The following HSDL2 variants were observed in gnomAD, a reference collection of about 807,000 sequenced individuals.
The protein encoded by HSDL2 is hydroxysteroid dehydrogenase-like protein 2.
A neutral mutation model predicts 46.3 loss-of-function variants in HSDL2; 27 were observed. The ratio of observed to expected loss-of-function variants is 0.58; its 90% CI spans 0.43 to 0.80. The LOEUF is 0.80. Ranked by LOEUF, HSDL2 falls within the 30% of genes least tolerant of loss-of-function variation. The pLI, the probability that HSDL2 is intolerant of heterozygous loss-of-function variation, is 0.00. For synonymous variants in HSDL2, 153 were observed against 163.6 expected, an observed-to-expected ratio of 0.94 and a Z score of 0.50; for missense variants, 451 against 502.7, an observed-to-expected ratio of 0.90 and a Z score of 0.98.
chr9:112,383,343 G>C (rs1831141865), intron 1 of HSDL2, among the ~76,000 whole-genome samples: 1 of 152,092 alleles, frequency 6.6e-6, no homozygotes, highest in African/African-American at 2.4e-5. Flanking sequence ...AACATGCTGG[G>C]ATTACAGGTG....
intron 7 of HSDL2, among the ~76,000 whole-genome samples, chr9:112,439,511 T>C (rs994057120): frequency 6.6e-6 from 1 of 152,148 alleles, no homozygotes; most frequent in Non-Finnish European, 1.5e-5. Flanking sequence ...ATAATGATAA[T>C]AATGGATTTT....
intron 3 of HSDL2, among the ~76,000 whole-genome samples, chr9:112,408,075 A>G (rs1937629102): frequency 6.6e-6 from 1 of 152,154 alleles, no homozygotes; most frequent in Non-Finnish European, 1.5e-5. Context: ...ATCCACTTTG[A>G]TGATCTGCCT....
intron 8 of HSDL2, among the ~76,000 whole-genome samples, chr9:112,452,815 A>C (rs1832919485): frequency 6.6e-6 from 1 of 152,176 alleles, no homozygotes; most frequent in Non-Finnish European, 1.5e-5. Context: ...AGTCCTATGA[A>C]CTGCTGTCTT....
At chr9:112,447,951 A>G (rs1213574053) in intron 8 of HSDL2, among the ~76,000 whole-genome samples, 1 of 152,196 alleles carries the variant, frequency 6.6e-6, no homozygotes, top group Non-Finnish European at 1.5e-5. Flanking sequence ...ATAGTTTTTG[A>G]GAGAGCGTGA....
intron 6 of HSDL2, among the ~76,000 whole-genome samples, chr9:112,434,630 G>A (rs1383980444): frequency 1.3e-5 from 2 of 152,146 alleles, no homozygotes; most frequent in Non-Finnish European, 2.9e-5. Context: ...ATAATCAGTG[G>A]TATCATTGGT....
chr9:112,381,954 G>A (rs972419550), intron 1 of HSDL2, among the ~76,000 whole-genome samples: 2 of 152,130 alleles, frequency 1.3e-5, no homozygotes, highest in African/African-American at 2.4e-5. Context: ...AAGAGTAAAT[G>A]TGGCTGGGCA....
intron 9 of HSDL2, 92 bp from the exon 10 acceptor site, chr9:112,459,357 C>A: frequency 2.9e-6 from 4 of 1,395,162 alleles, no homozygotes; most frequent in Non-Finnish European, 3.9e-6. Context: ...TGGAAAACAG[C>A]ATTTTGTAAG....
chr9:112,443,681 GATTGAGCTACAGCACTCCAGC>G (rs1832691197), intron 8 of HSDL2, among the ~76,000 whole-genome samples: 1 of 152,200 alleles, frequency 6.6e-6, no homozygotes, highest in African/African-American at 2.4e-5. Context: ...AGTGAGCTAT[GATTGAGCTACAGCACTCCAGC>G]CTGGGCAACA....
chr9:112,458,988 A>T (rs371742432), intron 9 of HSDL2, among the ~76,000 whole-genome samples: 9 of 69,996 alleles, frequency 1.3e-4, no homozygotes, highest in African/African-American at 5.7e-4. Flanking sequence ...CTCCAAAAAA[A>T]AGAAAAGAAA....
At chr9:112,427,057 G>A (rs754034513) in intron 6 of HSDL2, among the ~76,000 whole-genome samples, 5 of 151,580 alleles carry the variant, frequency 3.3e-5, no homozygotes, top group Admixed American at 1.3e-4. Flanking sequence ...TTAATTAATT[G>A]ATTAATTATT....
At chr9:112,422,908 A>G (rs1293846193) in intron 6 of HSDL2, among the ~76,000 whole-genome samples, 1 of 152,242 alleles carries the variant, frequency 6.6e-6, no homozygotes, top group Non-Finnish European at 1.5e-5. Flanking sequence ...CTTCAATGCC[A>G]GAAACTAGAA....
rs780957603 is a variant in HSDL2, at chr9:112,436,960, C to CTTTTTTTTTTTTTTTTT, written c.599-1470_599-1454dup. Among the ~76,000 whole-genome samples the CTTTTTTTTTTTTTTTTT allele has an allele frequency of 3.2e-4, 41 of 126,770 alleles. 1 individual carries two copies. The highest frequency in any genetic ancestry group is 3.5e-4 in the Non-Finnish European group (22 of 62,566). The allele number at this position is 126,770 out of a possible 152,430, so 83.2% of individuals were successfully genotyped here. A position where few individuals can be genotyped will look rare whatever the true frequency, so the allele number is the denominator to read the frequency against. On this transcript the variant is annotated intron_variant, in intron 6 of 10. Transcript: ENST00000398805. The stretch of plus-strand genomic sequence containing the variant: ...TTACTTCTCTTTCTTTTCTTTTTTT[C>CTTTTTTTTTTTTTTTTT]TTTTTTTTTTTTTTTTTGAGACGGA...
At chr9:112,421,982 G>A (rs1321472123) in intron 6 of HSDL2, among the ~76,000 whole-genome samples, 1 of 152,174 alleles carries the variant, frequency 6.6e-6, no homozygotes, top group East Asian at 1.9e-4. Flanking sequence ...AGAAAGAACA[G>A]ATACTCAGAA....
At chr9:112,381,765 C>T (rs1021916624) in intron 1 of HSDL2, among the ~76,000 whole-genome samples, 4 of 152,200 alleles carry the variant, frequency 2.6e-5, no homozygotes, top group Admixed American at 1.3e-4. Flanking sequence ...TTGGTTTGCT[C>T]AACCTGTATA....
intron 1 of HSDL2, among the ~76,000 whole-genome samples, chr9:112,392,956 T>C (rs1055680376): frequency 6.6e-6 from 1 of 152,234 alleles, no homozygotes; most frequent in African/African-American, 2.4e-5. Flanking sequence ...TTCCAACTGT[T>C]CCCTCCATTG....
At chr9:112,462,564 G>A (rs1443533999) in intron 10 of HSDL2, among the ~76,000 whole-genome samples, 1 of 151,150 alleles carries the variant, frequency 6.6e-6, no homozygotes, top group Non-Finnish European at 1.5e-5. Context: ...CAGAAATAAA[G>A]TAAATTGAGC....
In HSDL2 at chr9:112,393,670, G is replaced by A. The variant is rs114255893; in HGVS notation, c.18-10325G>A. On this transcript the variant is annotated intron_variant, in intron 1 of 10. Transcript: ENST00000398805. Reference sequence around the variant, plus strand: ...AATCTCTTAGATCTTTTGAGAATTTGCTGTAGCACTTCATTAATTAAATGT... The same window carrying A: ...AATCTCTTAGATCTTTTGAGAATTTACTGTAGCACTTCATTAATTAAATGT... 7.1e-3 allele frequency among the ~76,000 whole-genome samples: 1,078 copies of A among 152,312 alleles called. 12 individuals are homozygous for A. Among genetic ancestry groups the A allele is most frequent in the African/African-American group, 0.025 (1,026 of 41,556 alleles).
intron 8 of HSDL2, among the ~76,000 whole-genome samples, chr9:112,451,422 G>A (rs16916995): frequency 0.23 from 34,682 of 152,028 alleles, 4,176 homozygotes; most frequent in Middle Eastern, 0.37. Flanking sequence ...TGGTGAAGAC[G>A]AACTGTTGGC....
chr9:112,434,050 C>T (rs929453776), intron 6 of HSDL2: 6 of 152,194 alleles, frequency 3.9e-5, no homozygotes, highest in African/African-American at 1.4e-4. Flanking sequence ...TTTCAGGCTT[C>T]CAACTAGGTC....
Sources: gnomAD v4.1 joint callset for allele counts (sites outside exome capture counted in the v4.1 genomes callset) on GRCh38, gnomAD v4.1.1 for gene constraint, MANE v1.5 for transcripts, NCBI Gene and HGNC (gene_info 2026-07-23, HGNC 2026-07-21) for gene names.